MPPED2: variants seen among roughly 807,000 people sequenced by gnomAD.
MPPED2 encodes the protein metallophosphoesterase domain containing 2.
Under a neutral mutation model 33.0 loss-of-function variants are expected in MPPED2, and 5 were observed. That is an observed-to-expected ratio of 0.15 (90% confidence interval 0.08 to 0.32). The LOEUF (loss-of-function observed/expected upper bound fraction) is 0.32. MPPED2 is among the 10% of genes least tolerant of loss of function. The pLI is 1.00. For synonymous variants in MPPED2, 136 were observed against 141.9 expected, an observed-to-expected ratio of 0.96 and a Z score of 0.29; for missense variants, 275 against 372.1, an observed-to-expected ratio of 0.74 and a Z score of 2.15.
intron 4 of MPPED2, among the ~76,000 whole-genome samples, chr11:30,444,643 T>G (rs988924811): frequency 6.6e-6 from 1 of 152,178 alleles, no homozygotes; most frequent in Non-Finnish European, 1.5e-5. Flanking sequence ...ATTAACTCAT[T>G]AAAAATATTT....
chr11:30,467,019 T>C (rs1454158973), intron 4 of MPPED2, among the ~76,000 whole-genome samples: 1 of 152,176 alleles, frequency 6.6e-6, no homozygotes, highest in Non-Finnish European at 1.5e-5. Flanking sequence ...CATGACAGAA[T>C]TGTTGATAGA....
chr11:30,410,227 A>G lies in MPPED2; in HGVS notation c.*1241T>C, dbSNP rs552823875. ...CCAACCCTCTAAACAGCACGAATTT[A>G]AAAATCTTGCAATTTTATTTGCATA... On this transcript the variant is annotated 3_prime_UTR_variant, in exon 7 of 7. Coordinates refer to ENST00000358117, the MANE Select transcript of MPPED2 (RefSeq NM_001584.3). The G allele has an allele frequency of 2.0e-6, 2 of 985,724 alleles. No homozygotes were observed. Among genetic ancestry groups the G allele is most frequent in the Non-Finnish European group, 2.4e-6 (2 of 829,922 alleles). 61.1% of individuals were successfully genotyped at this position (985,724 alleles called of 1,614,324 possible). A position where few individuals can be genotyped will look rare whatever the true frequency, so the allele number is the denominator to read the frequency against.
At chr11:30,455,429 T>C (rs931325966) in intron 4 of MPPED2, among the ~76,000 whole-genome samples, 3 of 152,364 alleles carry the variant, frequency 2.0e-5, no homozygotes, top group South Asian at 2.1e-4. Context: ...CTCTCCTCTC[T>C]TTCTCTTTGT....
intron 2 of MPPED2, among the ~76,000 whole-genome samples, chr11:30,538,461 A>T (rs890486037): frequency 2.0e-5 from 3 of 152,176 alleles, no homozygotes; most frequent in African/African-American, 7.2e-5. Flanking sequence ...CATGGTACAT[A>T]ATTGGTTCCT....
At chr11:30,512,412 G>A (rs1953264789) in intron 3 of MPPED2, among the ~76,000 whole-genome samples, 1 of 152,154 alleles carries the variant, frequency 6.6e-6, no homozygotes, top group Admixed American at 6.5e-5. Flanking sequence ...GCATGCTGGG[G>A]CAAGTGGGGT....
intron 4 of MPPED2, among the ~76,000 whole-genome samples, chr11:30,454,832 C>A (rs535912007): frequency 6.6e-6 from 1 of 152,174 alleles, no homozygotes; most frequent in Non-Finnish European, 1.5e-5. Context: ...ATCAGAGAGC[C>A]TATAAGCTCT....
chr11:30,403,417 G>A (rs1392848402), intron 6 of MPPED2, among the ~76,000 whole-genome samples: 2 of 152,144 alleles, frequency 1.3e-5, no homozygotes, highest in African/African-American at 4.8e-5. Flanking sequence ...ATACTTTAAT[G>A]CAGAAACAAT....
intron 4 of MPPED2, among the ~76,000 whole-genome samples, chr11:30,465,150 G>A (rs1233175526): frequency 1.3e-5 from 2 of 152,154 alleles, no homozygotes; most frequent in Admixed American, 6.5e-5. Context: ...AATTCACATT[G>A]GAACTGCATT....
intron 2 of MPPED2, among the ~76,000 whole-genome samples, chr11:30,568,679 A>G (rs545913113): frequency 5.9e-5 from 9 of 152,220 alleles, no homozygotes; most frequent in Non-Finnish European, 1.2e-4. Context: ...AGGCCCTAGC[A>G]TACAAAAAAC....
chr11:30,555,418 G>A (rs1955918154), intron 2 of MPPED2, among the ~76,000 whole-genome samples: 1 of 152,156 alleles, frequency 6.6e-6, no homozygotes, highest in Non-Finnish European at 1.5e-5. Context: ...TCAGGCTACT[G>A]TTCACATGGT....
At chr11:30,563,421 G>A (rs986439581) in intron 2 of MPPED2, among the ~76,000 whole-genome samples, 2 of 152,168 alleles carry the variant, frequency 1.3e-5, no homozygotes, top group Non-Finnish European at 2.9e-5. Context: ...CTGACAGGAG[G>A]TGGAAGTCAG....
intron 2 of MPPED2, among the ~76,000 whole-genome samples, chr11:30,578,965 T>C (rs779394951): frequency 2.0e-5 from 3 of 151,662 alleles, no homozygotes; most frequent in African/African-American, 4.8e-5. Flanking sequence ...TTCTTTCAAA[T>C]AGTTTAGCAG....
At chr11:30,425,753 G>A (rs1474390716) in intron 4 of MPPED2, 1 of 152,186 alleles carries the variant, frequency 6.6e-6, no homozygotes, top group Non-Finnish European at 1.5e-5. Context: ...GGGACCCTGA[G>A]GAGAGGAAAC....
At chr11:30,510,212 A>G (rs912412009) in intron 3 of MPPED2, among the ~76,000 whole-genome samples, 1 of 151,602 alleles carries the variant, frequency 6.6e-6, no homozygotes, top group African/African-American at 2.4e-5. Flanking sequence ...TTTTCAGTTG[A>G]CTCATGGAAA....
At chr11:30,549,100 C>T (rs143527047) in intron 2 of MPPED2, among the ~76,000 whole-genome samples, 1,748 of 152,250 alleles carry the variant, frequency 0.011, 29 homozygotes, top group African/African-American at 0.04. Flanking sequence ...TTATACAGAT[C>T]GAACTTTATA....
chr11:30,452,362 G>A (rs1390701990), intron 4 of MPPED2, among the ~76,000 whole-genome samples: 1 of 152,142 alleles, frequency 6.6e-6, no homozygotes. Context: ...CGTGTCTGTG[G>A]GCCCTGCCCA....
chr11:30,510,484 A>G lies in MPPED2; in HGVS notation c.311-14963T>C, dbSNP rs180985051. Among the ~76,000 whole-genome samples, 183 of 152,310 alleles carry G rather than the reference A, an allele frequency of 1.2e-3. 1 individual carries two copies. Among genetic ancestry groups the G allele is most frequent in the African/African-American group, 4.0e-3 (166 of 41,572 alleles). ...TACAGCACCTCTTTTTCATATCAAT[A>G]CCACCAAGGTGGTTTCTCAAGGTTG... On this transcript the variant is annotated intron_variant, in intron 3 of 6. Coordinates refer to ENST00000358117, the MANE Select transcript of MPPED2 (RefSeq NM_001584.3).
intron 4 of MPPED2, among the ~76,000 whole-genome samples, chr11:30,470,071 T>A (rs565218464): frequency 1.1e-4 from 17 of 152,366 alleles, no homozygotes; most frequent in African/African-American, 4.1e-4. Context: ...CTGTCCATGT[T>A]AATCACTTTA....
intron 4 of MPPED2, among the ~76,000 whole-genome samples, chr11:30,487,794 C>A (rs1452923345): frequency 1.3e-5 from 2 of 152,076 alleles, no homozygotes; most frequent in Non-Finnish European, 2.9e-5. Flanking sequence ...TTTTTAAACC[C>A]TAGTGTCTGA....
Sources: gnomAD v4.1 joint callset for allele counts (sites outside exome capture counted in the v4.1 genomes callset) on GRCh38, gnomAD v4.1.1 for gene constraint, MANE v1.5 for transcripts, NCBI Gene and HGNC (gene_info 2026-07-23, HGNC 2026-07-21) for gene names.